The following DPYSL3 variants were observed in gnomAD, a reference collection of about 807,000 sequenced individuals.
DPYSL3 encodes the protein dihydropyrimidinase like 3.
DPYSL3 carries 16 observed loss-of-function variants against 66.1 expected under a neutral mutation model. The observed-to-expected ratio is 0.24, with a 90% CI of 0.16 to 0.37. DPYSL3 has a LOEUF of 0.37. Among genes scored for constraint, DPYSL3 ranks in the 10% least tolerant of loss-of-function variants. DPYSL3 has a pLI of 1.00. For synonymous variants in DPYSL3, 338 were observed against 345.1 expected, an observed-to-expected ratio of 0.98 and a Z score of 0.23; for missense variants, 738 against 916.2, an observed-to-expected ratio of 0.81 and a Z score of 2.51.
At chr5:147,481,128 A>G (rs536669543) in intron 1 of DPYSL3, among the ~76,000 whole-genome samples, 1 of 152,316 alleles carries the variant, frequency 6.6e-6, no homozygotes, top group African/African-American at 2.4e-5. Flanking sequence ...AATGTAGATA[A>G]GGGTGTAACT....
intron 1 of DPYSL3, among the ~76,000 whole-genome samples, chr5:147,487,207 G>T (rs1753346920): frequency 6.6e-6 from 1 of 151,882 alleles, no homozygotes; most frequent in Non-Finnish European, 1.5e-5. Flanking sequence ...TCATTTCCAG[G>T]TTATCCTCTT....
chr5:147,480,703 A>ATATTAT (rs10665228), intron 1 of DPYSL3, among the ~76,000 whole-genome samples: 1,874 of 142,442 alleles, frequency 0.013, 18 homozygotes, highest in South Asian at 0.036. Context: ...GAATATATAT[A>ATATTAT]TATTATTATT....
intron 8 of DPYSL3, among the ~76,000 whole-genome samples, chr5:147,402,475 G>A (rs1228262829): frequency 6.8e-6 from 1 of 146,496 alleles, no homozygotes; most frequent in Non-Finnish European, 1.5e-5. Flanking sequence ...AGCCTCCCGA[G>A]TAGCTGGGAC....
chr5:147,400,547 A>G (rs62379576), intron 10 of DPYSL3, 145 bp downstream of exon 10: 62 of 1,124,330 alleles, frequency 5.5e-5, no homozygotes, highest in Non-Finnish European at 7.2e-5. Context: ...ACACTGCCAG[A>G]GCCACATGGT....
intron 6 of DPYSL3, among the ~76,000 whole-genome samples, chr5:147,412,128 G>T (rs1214446906): frequency 6.6e-6 from 1 of 152,144 alleles, no homozygotes; most frequent in Admixed American, 6.5e-5. Flanking sequence ...TTCTCAATAT[G>T]ATTTCTAGGA....
intron 1 of DPYSL3, among the ~76,000 whole-genome samples, chr5:147,464,028 A>G (rs534331192): frequency 1.3e-5 from 2 of 152,256 alleles, no homozygotes; most frequent in Non-Finnish European, 2.9e-5. Flanking sequence ...GGCCCACTCA[A>G]TAACAAATGA....
Position 147,509,553 on chromosome 5 carries a change from G to A in DPYSL3, c.306C>T (p.Ser102=), listed in dbSNP as rs1753728527. 4 of 1,535,024 alleles carry A rather than the reference G, an allele frequency of 2.6e-6. No individual in the cohort carries two copies. In the East Asian group the frequency reaches 7.3e-5, roughly 28 times the overall value. ...GGATCTCTACCCCGGCGGGGGCGGG[G>A]GAGGCGGGCGCGGGCTCCCTGCTCT... is the stretch of plus-strand genomic sequence containing the variant. ...REESREPAPA[S]PAPAGVEIRS... Residue 102 remains serine, a synonymous_variant, in exon 1 of 14, where the codon TCC becomes TCT. Coordinates refer to ENST00000343218, the MANE Select transcript of DPYSL3 (RefSeq NM_001197294.2). The surrounding 1 kb of genome is among the most constrained non-coding windows in gnomAD (Gnocchi z 5.3).
intron 1 of DPYSL3, among the ~76,000 whole-genome samples, chr5:147,460,651 C>T (rs953281190): frequency 4.6e-5 from 7 of 152,220 alleles, no homozygotes; most frequent in African/African-American, 1.7e-4. Context: ...ACACCAGTAT[C>T]TGTCTGTGTT....
intron 1 of DPYSL3, among the ~76,000 whole-genome samples, chr5:147,438,934 G>A (rs1752468943): frequency 6.6e-6 from 1 of 152,180 alleles, no homozygotes; most frequent in South Asian, 2.1e-4. Flanking sequence ...TCATTCAGGG[G>A]TAGACTGAGC....
At chr5:147,487,025 T>C (rs1405209216) in intron 1 of DPYSL3, among the ~76,000 whole-genome samples, 1 of 152,172 alleles carries the variant, frequency 6.6e-6, no homozygotes, top group African/African-American at 2.4e-5. Flanking sequence ...TGCCACATGC[T>C]ATTAACTCCG....
intron 1 of DPYSL3, among the ~76,000 whole-genome samples, chr5:147,454,728 C>T (rs1752814844): frequency 6.6e-6 from 1 of 152,158 alleles, no homozygotes; most frequent in Non-Finnish European, 1.5e-5. Flanking sequence ...TTACTTTAGG[C>T]AGGGCTGACA....
At chr5:147,501,478 ATTTTT>A (rs749216433) in intron 1 of DPYSL3, among the ~76,000 whole-genome samples, 5 of 91,082 alleles carry the variant, frequency 5.5e-5, no homozygotes, top group African/African-American at 1.8e-4. Flanking sequence ...GGTGATAATG[ATTTTT>A]TTTTTTTTTT....
chr5:147,395,218 T>A (rs1757931530), intron 13 of DPYSL3, among the ~76,000 whole-genome samples: 1 of 152,236 alleles, frequency 6.6e-6, no homozygotes, highest in South Asian at 2.1e-4. Context: ...AAACATACTA[T>A]GTTGCATAGC....
At chr5:147,488,609 G>A (rs58920649) in intron 1 of DPYSL3, among the ~76,000 whole-genome samples, 146 of 152,192 alleles carry the variant, frequency 9.6e-4, no homozygotes, top group African/African-American at 3.2e-3. Flanking sequence ...CTGGTTACTT[G>A]GGAGGCTGAA....
At chr5:147,428,393 A>G (rs1441161171) in intron 1 of DPYSL3, among the ~76,000 whole-genome samples, 1 of 152,060 alleles carries the variant, frequency 6.6e-6, no homozygotes, top group Non-Finnish European at 1.5e-5. Context: ...CTTTCCATGG[A>G]AGGGGGATCC....
chr5:147,405,934 C>A (rs893436870), intron 7 of DPYSL3: 10 of 525,362 alleles, frequency 1.9e-5, no homozygotes, highest in South Asian at 3.2e-5. Context: ...GTGCCTCTAT[C>A]CCTCACTAGT....
At chr5:147,433,021 T>C (rs1414339231) in intron 1 of DPYSL3, among the ~76,000 whole-genome samples, 1 of 152,186 alleles carries the variant, frequency 6.6e-6, no homozygotes, top group Admixed American at 6.5e-5. Flanking sequence ...ACGGAGACTT[T>C]TTCCTTGATC....
chr5:147,509,724 G>A lies in DPYSL3; in HGVS notation c.135C>T (p.Phe45=). ...CATCGAAATCCAGCGTCTTGCTCTCGAAGGCGCCCTCCACGTTGCAGAACA... is the reference window on the plus strand; with the variant it reads ...CATCGAAATCCAGCGTCTTGCTCTCAAAGGCGCCCTCCACGTTGCAGAACA... ...GGMFCNVEGA[F]ESKTLDFDAL... is the part of the protein sequence containing the mutation. The change falls in exon 1 of 14, where the codon TTC becomes TTT. Residue 45 remains phenylalanine, a synonymous_variant. Coordinates refer to ENST00000343218, the MANE Select transcript of DPYSL3 (RefSeq NM_001197294.2). This position sits in a 1 kb window ranked among gnomAD's most constrained non-coding sequence, Gnocchi z 5.3. 5.9e-6 allele frequency: 9 copies of A among 1,535,988 alleles called. No individual in the cohort carries two copies. The highest frequency in any genetic ancestry group is 7.8e-6 in the Non-Finnish European group (9 of 1,146,808).
intron 1 of DPYSL3, among the ~76,000 whole-genome samples, chr5:147,475,557 A>C (rs1753144452): frequency 6.6e-6 from 1 of 152,140 alleles, no homozygotes. Context: ...TAAAATCCTA[A>C]AACAAATTGC....
Sources: gnomAD v4.1 joint callset for allele counts (sites outside exome capture counted in the v4.1 genomes callset) on GRCh38, gnomAD v4.1.1 for gene constraint, Gnocchi (gnomAD v3.1) non-coding constraint, MANE v1.5 for transcripts, NCBI Gene and HGNC (gene_info 2026-07-23, HGNC 2026-07-21) for gene names.